Variants in TMEM65 observed in about 807,000 individuals in gnomAD.
TMEM65 encodes the protein transmembrane protein 65.
In TMEM65, 22 loss-of-function variants were observed where a neutral mutation model predicts 25.4. The observed-to-expected ratio is 0.86, with a 90% CI of 0.62 to 1.23. The LOEUF is 1.23. Among genes scored for constraint, TMEM65 ranks in the 50% most tolerant of loss-of-function variants. The pLI is 0.00. For synonymous variants in TMEM65, 132 were observed against 126.2 expected (o/e 1.05, Z -0.31); for missense variants, 262 against 308.2 (o/e 0.85, Z 1.12).
intron 1 of TMEM65, among the ~76,000 whole-genome samples, chr8:124,340,050 C>T (rs923144418): frequency 3.3e-5 from 5 of 152,072 alleles, no homozygotes; most frequent in East Asian, 1.9e-4. Context: ...AAATCAAAGA[C>T]GGCCTCTTCA....
intron 6 of TMEM65, among the ~76,000 whole-genome samples, chr8:124,316,871 A>AGGGAAAATTTTG (rs1362367215): frequency 2.0e-5 from 3 of 152,214 alleles, no homozygotes; most frequent in Non-Finnish European, 2.9e-5. Context: ...GTAAACTAAA[A>AGGGAAAATTTTG]GGAAAAGCCC....
intron 1 of TMEM65, among the ~76,000 whole-genome samples, chr8:124,367,621 G>A (rs1461877133): frequency 1.3e-5 from 2 of 152,166 alleles, no homozygotes; most frequent in Non-Finnish European, 2.9e-5. Context: ...ATTTTTAAGT[G>A]TTTTAGATAC....
rs1814730910 is a variant in TMEM65 at position 124,352,948 on chromosome 8, G to A, written c.304+18906C>T. Among the ~76,000 whole-genome samples, 5 of 151,954 alleles carry A rather than the reference G, an allele frequency of 3.3e-5. No individual in the cohort carries two copies. The South Asian group carries it at 8.3e-4, about 25-fold the overall frequency. ...TTGAGACCAGCCTGGCCAACATGAC[G>A]AAACACCGTCTATACAAAAAATACA... On this transcript the variant is annotated intron_variant, in intron 1 of 6. Coordinates refer to ENST00000297632, the MANE Select transcript of TMEM65 (RefSeq NM_194291.3).
At chr8:124,334,919 A>G (rs1814487105) in intron 1 of TMEM65, among the ~76,000 whole-genome samples, 2 of 152,118 alleles carry the variant, frequency 1.3e-5, no homozygotes, top group South Asian at 4.1e-4. Context: ...AAAGGATTGA[A>G]AAAATAATAA....
intron 1 of TMEM65, among the ~76,000 whole-genome samples, chr8:124,365,434 G>A (rs1814925496): frequency 6.6e-6 from 1 of 152,178 alleles, no homozygotes; most frequent in Non-Finnish European, 1.5e-5. Context: ...ACTGGTTTTA[G>A]TGACTTGCTT....
intron 1 of TMEM65, among the ~76,000 whole-genome samples, chr8:124,367,654 T>C (rs1233680171): frequency 6.6e-6 from 1 of 152,350 alleles, no homozygotes; most frequent in African/African-American, 2.4e-5. Flanking sequence ...AAGCTCTTTA[T>C]CTTTCAGTCT....
chr8:124,351,166 A>AAT, intron 1 of TMEM65: 16 of 925,342 alleles, frequency 1.7e-5, no homozygotes, highest in Non-Finnish European at 2.1e-5. Flanking sequence ...CAAAATAAAT[A>AAT]ATATATATAT....
In TMEM65 at chr8:124,313,177, G is replaced by A. The variant is rs908344171; in HGVS notation, c.*783C>T. On this transcript the variant is annotated 3_prime_UTR_variant, in exon 7 of 7. Transcript: ENST00000297632. ...CTAATTCCACAATCCCCATTTCAAA[G>A]ACTCTAAAATAATCATTTGCTTCCC... The A allele has an allele frequency of 6.6e-6, 1 of 151,496 alleles. No homozygotes were observed. The highest frequency in any genetic ancestry group is 1.5e-5 in the Non-Finnish European group (1 of 67,794). The allele number at this position is 151,496 out of a possible 1,614,324, so 9.4% of individuals were successfully genotyped here.
chr8:124,371,858 G>A lies in TMEM65; in HGVS notation c.300C>T (p.Ala100=), dbSNP rs1432158748. 1.3e-6 allele frequency: 2 copies of A among 1,532,518 alleles called. No homozygotes were observed. Among genetic ancestry groups the A allele is most frequent in the African/African-American group, 2.9e-5 (2 of 70,158 alleles). The allele number at this position is 1,532,518 out of a possible 1,614,324, so 94.9% of individuals were successfully genotyped here. The change falls in exon 1 of 7, where the codon GCC becomes GCT. Residue 100 remains alanine (A), a synonymous_variant. Coordinates refer to ENST00000297632, the MANE Select transcript of TMEM65 (RefSeq NM_194291.3). ...CCCCCCACCTGCCCCCCTTACCTTGGGCAATGGCAATAGACTCGAAGCGGT... is the reference window on the plus strand; with the variant it reads ...CCCCCCACCTGCCCCCCTTACCTTGAGCAATGGCAATAGACTCGAAGCGGT... ...ELHRFESIAI[A]QEKLEAPPPT... is the part of the protein sequence containing the mutation.
At chr8:124,334,018 G>A (rs1458040566) in intron 1 of TMEM65, among the ~76,000 whole-genome samples, 2 of 152,192 alleles carry the variant, frequency 1.3e-5, no homozygotes, top group Admixed American at 1.3e-4. Flanking sequence ...AACCACACAT[G>A]TGCAGGGAAA....
intron 1 of TMEM65, among the ~76,000 whole-genome samples, chr8:124,369,452 A>C (rs1387457325): frequency 6.6e-6 from 1 of 152,212 alleles, no homozygotes; most frequent in East Asian, 1.9e-4. Context: ...CCAAATCCAA[A>C]ACACTTCATT....
chr8:124,353,046 G>A (rs1344056516), intron 1 of TMEM65, among the ~76,000 whole-genome samples: 2 of 152,140 alleles, frequency 1.3e-5, no homozygotes, highest in African/African-American at 4.8e-5. Flanking sequence ...AAAGTTGCTT[G>A]AACCCAGGGG....
At chr8:124,330,370 T>C (rs997856571) in intron 2 of TMEM65, among the ~76,000 whole-genome samples, 29 of 152,062 alleles carry the variant, frequency 1.9e-4, no homozygotes, top group African/African-American at 7.0e-4. Flanking sequence ...AAACATTTTC[T>C]CTACCAGAGA....
chr8:124,324,618 A>G lies in TMEM65; in HGVS notation c.418-1243T>C, dbSNP rs530013083. The stretch of plus-strand genomic sequence containing the variant: ...ACAGTCTAATAAATATGGCATCTTT[A>G]ACAGCAATGAATCGCTGGCAGTGGC... On this transcript the variant is annotated intron_variant, in intron 3 of 6. Transcript: ENST00000297632. Among the ~76,000 whole-genome samples, 123 of 152,262 alleles carry G rather than the reference A, an allele frequency of 8.1e-4. 2 individuals carry two copies. The highest frequency in any genetic ancestry group is 2.8e-3 in the African/African-American group (117 of 41,584).
intron 1 of TMEM65, among the ~76,000 whole-genome samples, chr8:124,332,143 ACTCAAAAT>A (rs1258472532): frequency 2.0e-5 from 3 of 152,250 alleles, no homozygotes; most frequent in Admixed American, 2.0e-4. Context: ...AGCATCATTA[ACTCAAAAT>A]CTCCTTTGAA....
At chr8:124,338,322 C>T (rs569642579) in intron 1 of TMEM65, among the ~76,000 whole-genome samples, 7 of 149,448 alleles carry the variant, frequency 4.7e-5, no homozygotes, top group South Asian at 2.2e-4. Flanking sequence ...AATTATTTTG[C>T]ACTGCTCTGA....
chr8:124,369,108 T>C (rs1475970624), intron 1 of TMEM65, among the ~76,000 whole-genome samples: 1 of 152,214 alleles, frequency 6.6e-6, no homozygotes, highest in Non-Finnish European at 1.5e-5. Context: ...ACATGAATAA[T>C]GCTCTATCAG....
At chr8:124,368,418 C>T (rs1482777630) in intron 1 of TMEM65, among the ~76,000 whole-genome samples, 1 of 151,680 alleles carries the variant, frequency 6.6e-6, no homozygotes, top group Non-Finnish European at 1.5e-5. Flanking sequence ...GATGTACCCC[C>T]GATGATTCCC....
At chr8:124,325,275 T>C (rs1467406477) in intron 3 of TMEM65, among the ~76,000 whole-genome samples, 2 of 151,836 alleles carry the variant, frequency 1.3e-5, no homozygotes, top group African/African-American at 4.8e-5. Context: ...ATGAGAGGGG[T>C]TGATCAGTAT....
Sources: allele counts gnomAD v4.1 joint callset (sites outside exome capture counted in the v4.1 genomes callset), GRCh38; gene constraint gnomAD v4.1.1; transcripts MANE v1.5; gene names NCBI Gene and HGNC (gene_info 2026-07-23, HGNC 2026-07-21).